PRDM16: variants seen among roughly 807,000 people sequenced by gnomAD.
PRDM16 encodes the protein PR/SET domain 16.
Under a neutral mutation model 110.6 loss-of-function variants are expected in PRDM16, and 23 were observed. The observed-to-expected ratio is 0.21, with a 90% CI of 0.15 to 0.29. The LOEUF is 0.29. Ranked by LOEUF, PRDM16 falls within the 10% of genes least tolerant of loss-of-function variation. PRDM16 has a pLI of 1.00. For synonymous variants in PRDM16, 799 were observed against 781.8 expected, an observed-to-expected ratio of 1.02 and a Z score of -0.37; for missense variants, 1,615 against 1,794.3, an observed-to-expected ratio of 0.90 and a Z score of 1.81.
At chr1:3,230,748 T>C (rs1306563483) in intron 2 of PRDM16, among the ~76,000 whole-genome samples, 1 of 152,232 alleles carries the variant, frequency 6.6e-6, no homozygotes, top group Admixed American at 6.5e-5. Flanking sequence ...CCTGTCTCGC[T>C]GGCTGTGTGG....
Position 3,298,948 on chromosome 1 carries a change from C to CGT in PRDM16, c.438+54812_438+54813dup, listed in dbSNP as rs1407980156. ...CTGGCCTTCAGGCTGGGTCTCCTCC[C>CGT]GTCCAGCCAGGGCTGTCTGGATGTG... On this transcript the variant is annotated intron_variant, in intron 3 of 16. Transcript: ENST00000270722. 1.2e-4 allele frequency among the ~76,000 whole-genome samples: 18 copies of CGT among 152,366 alleles called. No homozygotes were observed. The East Asian group carries it at 3.5e-3, about 29-fold the overall frequency.
chr1:3,396,696 A>G (rs1643391632), intron 5 of PRDM16, 103 bp downstream of exon 5: 5 of 612,146 alleles, frequency 8.2e-6, no homozygotes, highest in African/African-American at 7.4e-5. Flanking sequence ...CATCACCTCA[A>G]GCCACCTAAT....
intron 3 of PRDM16, among the ~76,000 whole-genome samples, chr1:3,368,697 C>A (rs919392637): frequency 3.9e-5 from 6 of 152,180 alleles, no homozygotes; most frequent in Non-Finnish European, 8.8e-5. Flanking sequence ...AGGATTTTTT[C>A]TTCTTTTCCC....
intron 4 of PRDM16, chr1:3,394,445 C>T (rs1426735659): frequency 2.5e-6 from 1 of 403,658 alleles, no homozygotes; most frequent in Non-Finnish European, 4.8e-6. Context: ...GGAGGATGCC[C>T]GAGGTCTCAC....
intron 3 of PRDM16, among the ~76,000 whole-genome samples, chr1:3,352,813 A>G (rs527394028): frequency 3.3e-5 from 5 of 151,322 alleles, no homozygotes; most frequent in South Asian, 2.1e-4. Flanking sequence ...TCCCCCTCCC[A>G]AATTTCAGGG....
At chr1:3,272,285 G>A (rs1238766238) in intron 3 of PRDM16, among the ~76,000 whole-genome samples, 2 of 152,216 alleles carry the variant, frequency 1.3e-5, no homozygotes, top group Non-Finnish European at 2.9e-5. Context: ...GGCGCTTTAA[G>A]GCCCATCTAG....
At chr1:3,172,305 C>T (rs1044906965) in intron 1 of PRDM16, among the ~76,000 whole-genome samples, 7 of 152,184 alleles carry the variant, frequency 4.6e-5, no homozygotes, top group African/African-American at 1.4e-4. Flanking sequence ...GAAGGAGACC[C>T]TGTCCTTGCC....
chr1:3,337,562 C>A (rs974921255), intron 3 of PRDM16, among the ~76,000 whole-genome samples: 9 of 152,154 alleles, frequency 5.9e-5, no homozygotes, highest in Non-Finnish European at 5.9e-5. Flanking sequence ...GCTAGAGGCC[C>A]TTGGGGTGGG....
At chr1:3,340,302 A>G (rs1265455880) in intron 3 of PRDM16, among the ~76,000 whole-genome samples, 2 of 152,016 alleles carry the variant, frequency 1.3e-5, no homozygotes, top group Non-Finnish European at 2.9e-5. Flanking sequence ...GGAGGGAGGT[A>G]CAGGTGGTGG....
chr1:3,331,258 T>TG (rs60666748), intron 3 of PRDM16, among the ~76,000 whole-genome samples: 2,845 of 151,366 alleles, frequency 0.019, 89 homozygotes, highest in African/African-American at 0.064. Context: ...CCTGCCAGCC[T>TG]GGGGGGGGCG....
intron 3 of PRDM16, among the ~76,000 whole-genome samples, chr1:3,326,368 A>G (rs942942627): frequency 6.6e-6 from 1 of 152,258 alleles, no homozygotes; most frequent in Non-Finnish European, 1.5e-5. Flanking sequence ...TGCATCTGCA[A>G]AGATGCTTTT....
At chr1:3,180,864 G>A (rs1038900227) in intron 1 of PRDM16, among the ~76,000 whole-genome samples, 19 of 148,648 alleles carry the variant, frequency 1.3e-4, no homozygotes, top group East Asian at 3.9e-4. Flanking sequence ...TCTTACGCAC[G>A]GCCTTACACA....
intron 3 of PRDM16, among the ~76,000 whole-genome samples, chr1:3,315,155 C>T: frequency 6.6e-6 from 1 of 151,604 alleles, no homozygotes; most frequent in Admixed American, 6.6e-5. Context: ...CCCCGCTTCA[C>T]TCCGTGTCTC....
rs1434188816 is a variant in PRDM16 at position 3,339,521 on chromosome 1, A to G, written c.439-45631A>G. Among the ~76,000 whole-genome samples, 1 of 151,168 alleles carries G rather than the reference A, an allele frequency of 6.6e-6. No individual in the cohort carries two copies. The highest frequency in any genetic ancestry group is 2.0e-4 in the East Asian group (1 of 5,054). On this transcript the variant is annotated intron_variant, in intron 3 of 16. Transcript: ENST00000270722. The surrounding 1 kb of genome is among the most constrained non-coding windows in gnomAD (Gnocchi z 5.0). ...TACTTAGGCTGGGATTTCAAGAGCA[A>G]CAAAGCTTTGTTGCCCACCGAGCGA...
At chr1:3,072,716 C>G (rs527703576) in intron 1 of PRDM16, among the ~76,000 whole-genome samples, 32 of 152,334 alleles carry the variant, frequency 2.1e-4, no homozygotes, top group African/African-American at 7.7e-4. Context: ...CGGCAGCCTT[C>G]CCTCTGAAGG....
intron 3 of PRDM16, among the ~76,000 whole-genome samples, chr1:3,249,318 C>T (rs1485438986): frequency 1.3e-5 from 2 of 151,990 alleles, no homozygotes; most frequent in African/African-American, 2.4e-5. Flanking sequence ...ATGCATGCAT[C>T]GGGCTCAGCT....
intron 1 of PRDM16, among the ~76,000 whole-genome samples, chr1:3,166,227 A>G (rs79429925): frequency 0.013 from 2,033 of 152,344 alleles, 86 homozygotes; most frequent in East Asian, 0.11. Context: ...AAATGGATGC[A>G]AGCAAATAAT....
At chr1:3,187,061 C>T (rs1323628734) in intron 2 of PRDM16, among the ~76,000 whole-genome samples, 3 of 152,234 alleles carry the variant, frequency 2.0e-5, no homozygotes, top group African/African-American at 7.2e-5. Flanking sequence ...GGGTCTGAAG[C>T]TGGCCTGGTG....
chr1:3,375,516 G>T (rs929791667), intron 3 of PRDM16, among the ~76,000 whole-genome samples: 8 of 152,256 alleles, frequency 5.3e-5, no homozygotes, highest in Admixed American at 3.9e-4. Flanking sequence ...ACATGCCAGA[G>T]AGGAAGCCCA....
Sources: allele counts gnomAD v4.1 joint callset (sites outside exome capture counted in the v4.1 genomes callset), GRCh38; gene constraint gnomAD v4.1.1; non-coding constraint Gnocchi (gnomAD v3.1); transcripts MANE v1.5; gene names NCBI Gene and HGNC (gene_info 2026-07-23, HGNC 2026-07-21).